IQSEC3: variants seen among roughly 807,000 people sequenced by gnomAD.
IQSEC3 encodes the protein IQ motif and Sec7 domain ArfGEF 3.
Under a neutral mutation model 105.4 loss-of-function variants are expected in IQSEC3, and 50 were observed. The observed-to-expected ratio is 0.47, with a 90% CI of 0.38 to 0.60. The LOEUF (loss-of-function observed/expected upper bound fraction) is 0.60, where lower values mean the gene tolerates loss of function less well. Among genes scored for constraint, IQSEC3 ranks in the 20% least tolerant of loss-of-function variants. IQSEC3 has a pLI of 0.00. For missense variants in IQSEC3, 1,415 were observed against 1,630.0 expected (o/e 0.87, Z 2.27); for synonymous variants, 708 against 746.0 (o/e 0.95, Z 0.83).
chr12:87,333 A>C (rs907966097), intron 1 of IQSEC3, among the ~76,000 whole-genome samples: 6 of 152,168 alleles, frequency 3.9e-5, no homozygotes, highest in Non-Finnish European at 8.8e-5. Flanking sequence ...CACCATGCAA[A>C]AAAAGTACTA....
rs536131376 is a variant in IQSEC3, at chr12:131,041, G to A, written c.903+5129G>A. On this transcript the variant is annotated intron_variant, in intron 3 of 13. Coordinates refer to ENST00000538872, the MANE Select transcript of IQSEC3 (RefSeq NM_001170738.2). ...CTCTTCCTCCCCACACCTGGCCCCCGCTCCTCAGCACTGTGCCCCCCAGCT... is the reference window on the plus strand; with the variant it reads ...CTCTTCCTCCCCACACCTGGCCCCCACTCCTCAGCACTGTGCCCCCCAGCT... Among the ~76,000 whole-genome samples, 30 of 55,948 alleles carry A rather than the reference G, an allele frequency of 5.4e-4. No individual in the cohort carries two copies. The South Asian group carries it at 0.012, about 23-fold the overall frequency. 36.7% of individuals were successfully genotyped at this position (55,948 alleles called of 152,430 possible). A position where few individuals can be genotyped will look rare whatever the true frequency, so the allele number is the denominator to read the frequency against.
intron 8 of IQSEC3, among the ~76,000 whole-genome samples, chr12:162,760 G>C (rs1180160770): frequency 2.6e-5 from 4 of 152,160 alleles, no homozygotes; most frequent in Non-Finnish European, 5.9e-5. Context: ...CGACTGGTTT[G>C]TCTTACACGC....
At chr12:99,323 T>A in intron 2 of IQSEC3, 109 bp downstream of exon 2, 1 of 997,708 alleles carries the variant, frequency 1.0e-6, no homozygotes, top group Non-Finnish European at 1.5e-6. Flanking sequence ...GAGTCTCATG[T>A]GGGGTAATTT....
chr12:67,780 G>A (rs1863155587), intron 1 of IQSEC3, among the ~76,000 whole-genome samples: 1 of 149,764 alleles, frequency 6.7e-6, no homozygotes, highest in African/African-American at 2.5e-5. Flanking sequence ...CTGTAGAAAA[G>A]AGAACCATTG....
chr12:68,719 G>A (rs1241073618), intron 1 of IQSEC3, among the ~76,000 whole-genome samples: 1 of 152,260 alleles, frequency 6.6e-6, no homozygotes, highest in Non-Finnish European at 1.5e-5. Context: ...GGTGCATTAA[G>A]TCTGGGAGAT....
rs544177337 is a variant in IQSEC3, at chr12:161,440, A to T, written c.2444-486A>T. On this transcript the variant is annotated intron_variant, in intron 7 of 13. Coordinates refer to ENST00000538872, the MANE Select transcript of IQSEC3 (RefSeq NM_001170738.2). ...TCCCAGTGAGGGAGGAATCTCTTCA[A>T]AGACTAAGCCCTCAATGCCATGCTC... Among the ~76,000 whole-genome samples, 8 of 152,200 alleles carry T rather than the reference A, an allele frequency of 5.3e-5. No individual in the cohort carries two copies. The East Asian group carries it at 1.5e-3, about 29-fold the overall frequency.
In IQSEC3 at chr12:163,488, G is replaced by C. The variant is rs374431695; in HGVS notation, c.2584-6G>C. 6.9e-6 allele frequency: 11 copies of C among 1,600,760 alleles called. No homozygotes were observed. The Admixed American group carries it at 1.0e-4, about 15-fold the overall frequency. On this transcript the variant is annotated splice_region_variant and splice_polypyrimidine_tract_variant and intron_variant, in intron 8 of 13. Coordinates refer to ENST00000538872, the MANE Select transcript of IQSEC3 (RefSeq NM_001170738.2). ...CTCTCCCGCTGAGCGCCCTGCCCGCGTGCAGGTGCTGTCCGTGCCCCACCG... is the reference window on the plus strand; with the variant it reads ...CTCTCCCGCTGAGCGCCCTGCCCGCCTGCAGGTGCTGTCCGTGCCCCACCG...
At chr12:162,620 G>C (rs1313055581) in intron 8 of IQSEC3, among the ~76,000 whole-genome samples, 2 of 152,172 alleles carry the variant, frequency 1.3e-5, no homozygotes, top group African/African-American at 4.8e-5. Context: ...CTCAGGGGAC[G>C]GTGTGGGAGA....
At chr12:78,518 T>A (rs1351133713) in intron 1 of IQSEC3, among the ~76,000 whole-genome samples, 122 of 143,386 alleles carry the variant, frequency 8.5e-4, no homozygotes, top group African/African-American at 2.7e-3. Flanking sequence ...AAAAAAAAAA[T>A]AAATTTAAAA....
chr12:160,198 CTT>C (rs1866838305), intron 7 of IQSEC3, among the ~76,000 whole-genome samples: 1 of 150,292 alleles, frequency 6.7e-6, no homozygotes. Flanking sequence ...CCCCATATTT[CTT>C]TCTCTTTCCT....
At chr12:154,228 T>G (rs970985989) in intron 5 of IQSEC3, among the ~76,000 whole-genome samples, 2 of 152,130 alleles carry the variant, frequency 1.3e-5, no homozygotes, top group Non-Finnish European at 2.9e-5. Context: ...CTTGAGTGAG[T>G]GAACGGCTGC....
chr12:76,224 AAG>A (rs1863521033), intron 1 of IQSEC3, among the ~76,000 whole-genome samples: 1 of 152,212 alleles, frequency 6.6e-6, no homozygotes, highest in Non-Finnish European at 1.5e-5. Flanking sequence ...TCTGGGGGAA[AAG>A]AGAGGAAAGA....
At position 174,802 on chromosome 12, in the gene IQSEC3, C is replaced by T; in HGVS notation, c.3318C>T (p.Cys1106=). ...IVKVIVLDKP[C]LARMEPLLSQ... is the part of the protein sequence containing the mutation. Reference sequence around the variant, plus strand: ...AGGTCATTGTCCTGGACAAGCCCTGCCTGGCCCGCATGGAGCCCCTGCTGA... The same window carrying T: ...AGGTCATTGTCCTGGACAAGCCCTGTCTGGCCCGCATGGAGCCCCTGCTGA... Residue 1106 remains cysteine, a synonymous_variant, in exon 14 of 14, where the codon TGC becomes TGT. Transcript: ENST00000538872. 6.3e-7 allele frequency: 1 copy of T among 1,585,740 alleles called. No homozygotes were observed. Among genetic ancestry groups the T allele is most frequent in the Non-Finnish European group, 8.5e-7 (1 of 1,174,520 alleles).
chr12:155,407 A>C (rs192621695), intron 5 of IQSEC3, among the ~76,000 whole-genome samples: 2 of 152,328 alleles, frequency 1.3e-5, no homozygotes, highest in African/African-American at 4.8e-5. Context: ...GAAGATGGCC[A>C]TGGGCCCTGC....
chr12:80,955 G>A (rs1266275534), intron 1 of IQSEC3, among the ~76,000 whole-genome samples: 1 of 152,214 alleles, frequency 6.6e-6, no homozygotes, highest in Non-Finnish European at 1.5e-5. Flanking sequence ...AGGGCCGAGA[G>A]CACAGGGAGA....
intron 2 of IQSEC3, among the ~76,000 whole-genome samples, chr12:104,612 C>T (rs1410518469): frequency 6.6e-6 from 1 of 152,232 alleles, no homozygotes; most frequent in Non-Finnish European, 1.5e-5. Flanking sequence ...GCGTACTGCG[C>T]CCCCTTAGAG....
chr12:120,284 G>A (rs577144549), intron 2 of IQSEC3, among the ~76,000 whole-genome samples: 1 of 152,322 alleles, frequency 6.6e-6, no homozygotes, highest in African/African-American at 2.4e-5. Flanking sequence ...TGGATGGAAG[G>A]CATCTCCAGC....
intron 5 of IQSEC3, among the ~76,000 whole-genome samples, chr12:154,162 A>T (rs74055586): frequency 0.017 from 2,574 of 152,068 alleles, 81 homozygotes; most frequent in African/African-American, 0.06. Context: ...TGCTTCCCCC[A>T]TCCCGGTCCT....
chr12:123,084 C>T (rs1423718723), intron 2 of IQSEC3, among the ~76,000 whole-genome samples: 1 of 152,070 alleles, frequency 6.6e-6, no homozygotes, highest in East Asian at 1.9e-4. Flanking sequence ...AAAGAACTTC[C>T]CAGTGACACT....
Sources: allele counts gnomAD v4.1 joint callset (sites outside exome capture counted in the v4.1 genomes callset), GRCh38; gene constraint gnomAD v4.1.1; transcripts MANE v1.5; gene names NCBI Gene and HGNC (gene_info 2026-07-23, HGNC 2026-07-21).